The following SAMD5 variants were observed in gnomAD, a reference collection of about 807,000 sequenced individuals.
SAMD5 encodes the protein sterile alpha motif domain-containing protein 5.
Under a neutral mutation model 11.3 loss-of-function variants are expected in SAMD5, and 13 were observed. That is an observed-to-expected ratio of 1.15 (90% confidence interval 0.75 to 1.83). SAMD5 has a LOEUF of 1.83. Ranked by LOEUF, SAMD5 falls within the 40% of genes most tolerant of loss-of-function variation. The pLI, the probability that SAMD5 is intolerant of heterozygous loss-of-function variation, is 0.00. For missense variants in SAMD5, 255 were observed against 239.1 expected, an observed-to-expected ratio of 1.07 and a Z score of -0.44; for synonymous variants, 129 against 111.3, an observed-to-expected ratio of 1.16 and a Z score of -1.00.
chr6:147,567,106 ATTTTC>A lies in SAMD5; in HGVS notation c.*2654_*2658del. On this transcript the variant is annotated 3_prime_UTR_variant, in exon 2 of 2. Coordinates refer to ENST00000367474, the MANE Select transcript of SAMD5 (RefSeq NM_001030060.3). ...GAGGAGTCTGGAGGGTCATAGCAAA[ATTTTC>A]TTTAGTTCATCTTAAAATTTAGGGA... 1.0e-6 allele frequency: 1 copy of A among 982,768 alleles called. No homozygotes were observed. Among genetic ancestry groups the A allele is most frequent in the Non-Finnish European group, 1.2e-6 (1 of 827,554 alleles). 60.9% of individuals were successfully genotyped at this position (982,768 alleles called of 1,614,324 possible).
the SAMD5 span, among the ~76,000 whole-genome samples, chr6:147,819,688 G>A: frequency 1.3e-5 from 2 of 152,234 alleles, no homozygotes; most frequent in African/African-American, 4.8e-5. Context: ...GACTGGAATA[G>A]GTCTCCAGGT....
chr6:147,653,621 A>AATTGTTC (rs1562343949), intron 1 of SAMD5, among the ~76,000 whole-genome samples: 1 of 152,202 alleles, frequency 6.6e-6, no homozygotes. Flanking sequence ...GTGTGTATGA[A>AATTGTTC]ATTGTTCATC....
rs1420365288 is a variant in SAMD5, at chr6:147,567,551, T to C, written c.*3095T>C. 1.1e-6 allele frequency: 1 copy of C among 895,768 alleles called. No homozygotes were observed. Among genetic ancestry groups the C allele is most frequent in the Non-Finnish European group, 1.3e-6 (1 of 748,500 alleles). 55.5% of individuals were successfully genotyped at this position (895,768 alleles called of 1,614,324 possible). ...CTGTAAAATGGGAAAAATAAATACCTCTATAGCTCTTAAGAGGCTTAAGAG... is the reference window on the plus strand; with the variant it reads ...CTGTAAAATGGGAAAAATAAATACCCCTATAGCTCTTAAGAGGCTTAAGAG... On this transcript the variant is annotated 3_prime_UTR_variant, in exon 2 of 2. Transcript: ENST00000367474.
chr6:147,734,711 TAAAAAAAAAAAAAAAAA>T (rs61482319), intron 1 of SAMD5, among the ~76,000 whole-genome samples: 19 of 26,110 alleles, frequency 7.3e-4, no homozygotes, highest in East Asian at 2.2e-3. Flanking sequence ...AGACTCCATC[TAAAAAAAAAAAAAAAAA>T]AAAAAAAAAA....
At chr6:147,897,869 C>T in the SAMD5 span, among the ~76,000 whole-genome samples, 44 of 144,302 alleles carry the variant, frequency 3.0e-4, no homozygotes, top group African/African-American at 6.9e-4. Flanking sequence ...CACTTGAAGC[C>T]GGGAGGCAGA....
At chr6:147,847,882 A>G in the SAMD5 span, among the ~76,000 whole-genome samples, 2,791 of 152,154 alleles carry the variant, frequency 0.018, 55 homozygotes, top group Non-Finnish European at 0.029. Context: ...AACAACAACA[A>G]AGAATATTAC....
the SAMD5 span, among the ~76,000 whole-genome samples, chr6:147,886,990 T>C: frequency 6.6e-6 from 1 of 152,214 alleles, no homozygotes; most frequent in East Asian, 1.9e-4. Flanking sequence ...TTGCAGCTAG[T>C]GGATCTTGAT....
intron 1 of SAMD5, among the ~76,000 whole-genome samples, chr6:147,719,067 G>GATGCTA (rs1791507854): frequency 6.6e-6 from 1 of 152,234 alleles, no homozygotes; most frequent in South Asian, 2.1e-4. Flanking sequence ...CTGCTCAGCA[G>GATGCTA]ATGCTATGGT....
the SAMD5 span, among the ~76,000 whole-genome samples, chr6:147,768,479 C>T: frequency 6.6e-6 from 1 of 152,044 alleles, no homozygotes; most frequent in East Asian, 1.9e-4. Flanking sequence ...GCCTGGGTGA[C>T]AGAGTGAGAC....
chr6:147,822,290 G>A, the SAMD5 span, among the ~76,000 whole-genome samples: 1 of 152,040 alleles, frequency 6.6e-6, no homozygotes, highest in East Asian at 1.9e-4. Flanking sequence ...ACTATTATTT[G>A]ACAATTGTTA....
At chr6:147,540,933 GTTTTTT>G (rs1187718649) in intron 1 of SAMD5, among the ~76,000 whole-genome samples, 6,508 of 64,320 alleles carry the variant, frequency 0.1, 320 homozygotes, top group African/African-American at 0.22. Context: ...CAAGCCACGC[GTTTTTT>G]TTTTTTTTTT....
intron 1 of SAMD5, among the ~76,000 whole-genome samples, chr6:147,626,509 A>G (rs1382240592): frequency 1.3e-5 from 2 of 151,930 alleles, no homozygotes; most frequent in African/African-American, 2.4e-5. Flanking sequence ...CTTTGTAACT[A>G]GTGTGATTTT....
At chr6:147,753,008 A>G in the SAMD5 span, among the ~76,000 whole-genome samples, 3 of 152,214 alleles carry the variant, frequency 2.0e-5, no homozygotes, top group African/African-American at 7.2e-5. Context: ...AGAGCAGTAA[A>G]CTGTCAGACT....
At chr6:147,691,543 A>C (rs970737880) in intron 1 of SAMD5, among the ~76,000 whole-genome samples, 4 of 152,228 alleles carry the variant, frequency 2.6e-5, no homozygotes, top group Admixed American at 6.5e-5. Flanking sequence ...ATATGTATTT[A>C]ACAAACTCTG....
chr6:147,744,182 C>T, the SAMD5 span, among the ~76,000 whole-genome samples: 2 of 152,134 alleles, frequency 1.3e-5, no homozygotes. Context: ...GAGCTGTCTG[C>T]CTATTTACTA....
chr6:147,561,625 T>G (rs1269743932), intron 1 of SAMD5, among the ~76,000 whole-genome samples: 3 of 152,146 alleles, frequency 2.0e-5, no homozygotes, highest in Admixed American at 6.5e-5. Flanking sequence ...AGAGCTTTTA[T>G]TTTCTTCATA....
At chr6:147,842,846 G>A in the SAMD5 span, among the ~76,000 whole-genome samples, 3 of 152,182 alleles carry the variant, frequency 2.0e-5, no homozygotes, top group Non-Finnish European at 2.9e-5. Context: ...ATGGTTAGAT[G>A]TTATTTAACA....
At chr6:147,935,523 C>T in the SAMD5 span, among the ~76,000 whole-genome samples, 1 of 152,152 alleles carries the variant, frequency 6.6e-6, no homozygotes, top group Admixed American at 6.5e-5. Context: ...GAATATAATT[C>T]ACACTTAACA....
intron 1 of SAMD5, among the ~76,000 whole-genome samples, chr6:147,584,867 A>G (rs1204057007): frequency 1.3e-5 from 2 of 152,220 alleles, no homozygotes; most frequent in African/African-American, 4.8e-5. Context: ...AGAAAATGTG[A>G]CAGAAAGGAA....
Sources: gnomAD v4.1 joint callset for allele counts (sites outside exome capture counted in the v4.1 genomes callset) on GRCh38, gnomAD v4.1.1 for gene constraint, MANE v1.5 for transcripts, NCBI Gene and HGNC (gene_info 2026-07-23, HGNC 2026-07-21) for gene names.